The following WDHD1 variants were observed in gnomAD, a reference collection of about 807,000 sequenced individuals.
WDHD1 encodes WD repeat and HMG-box DNA-binding protein 1.
In WDHD1, 111 loss-of-function variants were observed where a neutral mutation model predicts 135.4. The ratio of observed to expected loss-of-function variants is 0.82; its 90% CI spans 0.70 to 0.96. The LOEUF (loss-of-function observed/expected upper bound fraction) is 0.96. WDHD1 is among the 40% of genes least tolerant of loss of function. The pLI, the probability that WDHD1 is intolerant of heterozygous loss-of-function variation, is 0.00. For synonymous variants in WDHD1, 434 were observed against 439.0 expected (o/e 0.99, Z 0.14); for missense variants, 1,351 against 1,336.3 (o/e 1.01, Z -0.17).
chr14:55,021,587 T>C (rs1015555922), intron 2 of WDHD1, among the ~76,000 whole-genome samples: 4 of 152,220 alleles, frequency 2.6e-5, no homozygotes, highest in African/African-American at 7.2e-5. Context: ...GGTCTCATCA[T>C]GTTGGCCAGG....
rs753037708 is a variant in WDHD1 at position 55,007,287 on chromosome 14, C to T, written c.593G>A (p.Ser198Asn). ...AAAATAAGAATCACTTACCTTCCCA[C>T]TTTTTGGCTGCCAAGCAAGTCTGCA... Reference protein sequence around the residue: ...SICRLAWQPKSGKLLAIPVEK... With the variant: ...SICRLAWQPKNGKLLAIPVEK... Residue 198 changes from serine (S) to asparagine (N), a missense_variant, in exon 7 of 26, where the codon AGT (serine) becomes AAT (asparagine). Ser to Asn is a conservative substitution (Grantham distance 46). Transcript: ENST00000360586. The T allele has an allele frequency of 1.9e-6, 3 of 1,581,658 alleles. No homozygotes were observed. The highest frequency in any genetic ancestry group is 2.8e-5 in the African/African-American group (2 of 72,708).
Position 55,013,479 on chromosome 14 carries a change from T to C in WDHD1, c.189+6A>G, listed in dbSNP as rs1196662478. ...TCATATCAATTGATATAACTGTTTT[T>C]ACTACCTTCAAAGCACATGAATATG... On this transcript the variant is annotated splice_donor_region_variant and intron_variant, in intron 3 of 25. Transcript: ENST00000360586. The C allele has an allele frequency of 1.3e-6, 2 of 1,599,490 alleles. No individual in the cohort carries two copies. Among genetic ancestry groups the C allele is most frequent in the East Asian group, 4.5e-5 (2 of 44,802 alleles).
rs780328805 is a variant in WDHD1, at chr14:55,013,468, A to G, written c.189+17T>C. On this transcript the variant is annotated intron_variant, in intron 3 of 25. Coordinates refer to ENST00000360586, the MANE Select transcript of WDHD1 (RefSeq NM_007086.4). ...CCAGTATCATTTCATATCAATTGAT[A>G]TAACTGTTTTTACTACCTTCAAAGC... is the stretch of plus-strand genomic sequence containing the variant. 3.7e-5 allele frequency: 58 copies of G among 1,549,274 alleles called. No homozygotes were observed. The South Asian group carries it at 5.2e-4, about 14-fold the overall frequency.
chr14:55,000,506 ACTGCTTGAT>A lies in WDHD1; in HGVS notation c.930_938del (p.Ser311_Ser313del), dbSNP rs1566735832. 1.9e-6 allele frequency: 3 copies of A among 1,602,458 alleles called. No homozygotes were observed. Among genetic ancestry groups the A allele is most frequent in the Non-Finnish European group, 1.7e-6 (2 of 1,174,394 alleles). ...GTTGTACCATACTCCCTTTTACCTTACTGCTTGATGTCTTTCCACTGGGGTCACAAACAT... is the reference window on the plus strand; with the variant it reads ...GTTGTACCATACTCCCTTTTACCTTAGTCTTTCCACTGGGGTCACAAACAT... On this transcript the variant is annotated inframe_deletion, in exon 10 of 26. Transcript: ENST00000360586.
intron 24 of WDHD1, among the ~76,000 whole-genome samples, chr14:54,949,500 T>C (rs2041001388): frequency 6.6e-6 from 1 of 152,136 alleles, no homozygotes; most frequent in Non-Finnish European, 1.5e-5. Flanking sequence ...TATGGGACTA[T>C]GTGAAAAGAC....
chr14:54,970,106 A>G (rs2041406984), intron 16 of WDHD1, among the ~76,000 whole-genome samples: 1 of 152,236 alleles, frequency 6.6e-6, no homozygotes, highest in Non-Finnish European at 1.5e-5. Flanking sequence ...TGAATGGGAA[A>G]AAGCTGGAAG....
At chr14:54,998,291 AG>A (rs1566734740) in intron 10 of WDHD1, among the ~76,000 whole-genome samples, 2 of 151,948 alleles carry the variant, frequency 1.3e-5, no homozygotes, top group Non-Finnish European at 2.9e-5. Flanking sequence ...AAATTAGCCC[AG>A]CTAATTTTTG....
At position 55,027,046 on chromosome 14, in the gene WDHD1, G is replaced by A. The variant is rs2042461251; in HGVS notation, c.-35C>T. ...GACTCACCCGGGTGACCGAGCCTCC[G>A]CCACTGAGGATCCACAAGAGCTGCT... On this transcript the variant is annotated 5_prime_UTR_variant, in exon 1 of 26. Transcript: ENST00000360586. The A allele has an allele frequency of 4.2e-6, 2 of 481,294 alleles. No individual in the cohort carries two copies. The highest frequency in any genetic ancestry group is 1.9e-5 in the African/African-American group (1 of 51,650). The allele number at this position is 481,294 out of a possible 1,614,324, so 29.8% of individuals were successfully genotyped here. A position where few individuals can be genotyped will look rare whatever the true frequency, so the allele number is the denominator to read the frequency against.
Position 54,963,196 on chromosome 14 carries a change from G to C in WDHD1, c.2311-24C>G, listed in dbSNP as rs755509761. The C allele has an allele frequency of 3.1e-5, 16 of 518,402 alleles. 1 individual carries two copies. Among genetic ancestry groups the C allele is most frequent in the South Asian group, 4.9e-5 (3 of 61,140 alleles). The allele number at this position is 518,402 out of a possible 1,614,324, so 32.1% of individuals were successfully genotyped here. A position where few individuals can be genotyped will look rare whatever the true frequency, so the allele number is the denominator to read the frequency against. ...AGCTAATCCAAAAAGGGGGGGGGGG[G>C]GGAGATCAAATAACATCAAGTAAAA... On this transcript the variant is annotated intron_variant, in intron 18 of 25. Transcript: ENST00000360586.
At chr14:55,000,158 T>C (rs1161688406) in intron 10 of WDHD1, among the ~76,000 whole-genome samples, 1 of 152,110 alleles carries the variant, frequency 6.6e-6, no homozygotes, top group Admixed American at 6.6e-5. Context: ...AGTAAAGCTG[T>C]TTGACTAAGC....
intron 23 of WDHD1, among the ~76,000 whole-genome samples, chr14:54,955,967 G>A (rs1206155595): frequency 2.8e-5 from 4 of 140,906 alleles, no homozygotes; most frequent in African/African-American, 8.0e-5. Flanking sequence ...GCGCTATCTC[G>A]GCTCACTGCA....
rs540285793 is a variant in WDHD1, at chr14:55,004,904, G to C, written c.600+2376C>G. Reference sequence around the variant, plus strand: ...CTTCTGTGGCAGGCTGAGCACTCCAGTTTTCAGGAGGGAACTGCTAAATAG... The same window carrying C: ...CTTCTGTGGCAGGCTGAGCACTCCACTTTTCAGGAGGGAACTGCTAAATAG... On this transcript the variant is annotated intron_variant, in intron 7 of 25. Coordinates refer to ENST00000360586, the MANE Select transcript of WDHD1 (RefSeq NM_007086.4). 6 of 523,920 alleles carry C rather than the reference G, an allele frequency of 1.1e-5. No individual in the cohort carries two copies. In the African/African-American group the frequency reaches 1.1e-4, roughly 10 times the overall value. The allele number at this position is 523,920 out of a possible 1,614,324, so 32.5% of individuals were successfully genotyped here. A position where few individuals can be genotyped will look rare whatever the true frequency, so the allele number is the denominator to read the frequency against.
intron 8 of WDHD1, among the ~76,000 whole-genome samples, chr14:55,001,589 T>TA (rs1171134513): frequency 2.9e-4 from 44 of 152,298 alleles, no homozygotes; most frequent in African/African-American, 1.1e-3. Flanking sequence ...AAGCAAAACC[T>TA]AAAAAATGTT....
Position 54,991,268 on chromosome 14 carries a change from C to T in WDHD1, c.1286G>A (p.Arg429Gln), listed in dbSNP as rs373435535. Residue 429 changes from arginine to glutamine, a missense_variant, in exon 12 of 26, where the codon CGG becomes CAG. Transcript: ENST00000360586. ...AGAACCTGACTGAAATGGCTTTTGC[C>T]GGGGAGTTGGCATGGGTCCATCATA... Reference protein sequence around the residue: ...PFYDGPMPTPRQKPFQSGSTP... With the variant: ...PFYDGPMPTPQQKPFQSGSTP... 37 of 1,612,888 alleles carry T rather than the reference C, an allele frequency of 2.3e-5. No homozygotes were observed. Among genetic ancestry groups the T allele is most frequent in the South Asian group, 9.9e-5 (9 of 91,022 alleles).
rs2040809729 is a variant in WDHD1, at chr14:54,939,565, C to A, written c.*1925G>T. 1 of 139,502 alleles carries A rather than the reference C, an allele frequency of 7.2e-6. No homozygotes were observed. The allele number at this position is 139,502 out of a possible 1,614,324, so 8.6% of individuals were successfully genotyped here. On this transcript the variant is annotated 3_prime_UTR_variant, in exon 26 of 26. Coordinates refer to ENST00000360586, the MANE Select transcript of WDHD1 (RefSeq NM_007086.4). ...ATTTATTTCCATTTTCACTTTCATA[C>A]TATTCAGTCCCAATTCTCTGGAAAA...
intron 18 of WDHD1, 85 bp from the exon 19 acceptor site, chr14:54,963,257 GA>G (rs1473918762): frequency 6.0e-5 from 64 of 1,062,608 alleles, no homozygotes; most frequent in Non-Finnish European, 7.0e-5. Flanking sequence ...GTAAAACTGA[GA>G]CAATAGTTTT....
intron 16 of WDHD1, among the ~76,000 whole-genome samples, chr14:54,977,680 T>C (rs568251557): frequency 1.3e-5 from 2 of 152,110 alleles, no homozygotes; most frequent in African/African-American, 2.4e-5. Flanking sequence ...TCTAAATAAA[T>C]AAATAAAAAG....
intron 16 of WDHD1, among the ~76,000 whole-genome samples, chr14:54,973,901 C>T (rs2041479772): frequency 1.3e-5 from 2 of 152,054 alleles, no homozygotes; most frequent in Admixed American, 1.3e-4. Context: ...AGCAGAGCAC[C>T]AATTCGCATT....
Position 54,939,175 on chromosome 14 carries a change from T to C in WDHD1, c.*2315A>G, listed in dbSNP as rs1275521772. 1.3e-5 allele frequency: 2 copies of C among 152,194 alleles called. No homozygotes were observed. The highest frequency in any genetic ancestry group is 6.5e-5 in the Admixed American group (1 of 15,270). 9.4% of individuals were successfully genotyped at this position (152,194 alleles called of 1,614,324 possible). On this transcript the variant is annotated 3_prime_UTR_variant, in exon 26 of 26. Coordinates refer to ENST00000360586, the MANE Select transcript of WDHD1 (RefSeq NM_007086.4). ...TGAAAACTTGGGGGAAAATTATATA[T>C]TCTGATAATAAAACAGATGGGAAAC... is the stretch of plus-strand genomic sequence containing the variant.
Sources: gnomAD v4.1 joint callset for allele counts (sites outside exome capture counted in the v4.1 genomes callset) on GRCh38, gnomAD v4.1.1 for gene constraint, MANE v1.5 for transcripts, NCBI Gene and HGNC (gene_info 2026-07-23, HGNC 2026-07-21) for gene names.